Variants in NUTM2G observed in about 807,000 individuals in gnomAD.
The protein encoded by NUTM2G is NUT family member 2G, also known as family with sequence similarity 22, member G.
Under a neutral mutation model 44.3 loss-of-function variants are expected in NUTM2G, and 29 were observed. The observed-to-expected ratio is 0.66, with a 90% CI of 0.49 to 0.89. NUTM2G has a LOEUF of 0.89. NUTM2G is among the 40% of genes least tolerant of loss of function. NUTM2G has a pLI of 0.00. For missense variants in NUTM2G, 502 were observed against 946.5 expected (o/e 0.53, Z 6.16); for synonymous variants, 205 against 395.9 (o/e 0.52, Z 5.72).
chr9:96,934,302 T>C (rs1379102296), intron 2 of NUTM2G, among the ~76,000 whole-genome samples: 1 of 152,234 alleles, frequency 6.6e-6, no homozygotes, highest in African/African-American at 2.4e-5. Context: ...ATATCCACCG[T>C]GCAACACACT....
Position 96,937,180 on chromosome 9 carries a change from G to T in NUTM2G, c.1099G>T (p.Ala367Ser). Residue 367 changes from alanine (A) to serine (S), a missense_variant, in exon 5 of 7, where the codon GCA (alanine) becomes TCA (serine). Ala to Ser is a moderately conservative substitution (Grantham distance 99). Coordinates refer to ENST00000372322, the MANE Select transcript of NUTM2G (RefSeq NM_001170741.3). ...GCCACCACCCAGGCCCCCGAGGCCA[G>T]CAGAGACCAAGGTCCCTGAGGAGAT... Reference protein sequence around the residue: ...HLPPPRPPRPAETKVPEEIPP... With the variant: ...HLPPPRPPRPSETKVPEEIPP... 1 of 1,612,710 alleles carries T rather than the reference G, an allele frequency of 6.2e-7. No individual in the cohort carries two copies. Among genetic ancestry groups the T allele is most frequent in the Non-Finnish European group, 8.5e-7 (1 of 1,179,868 alleles).
intron 5 of NUTM2G, 65 bp from the exon 6 acceptor site, chr9:96,937,820 G>A (rs936303239): frequency 1.6e-5 from 26 of 1,596,414 alleles, no homozygotes; most frequent in Non-Finnish European, 2.0e-5. Flanking sequence ...CATCTCCTCC[G>A]GGTGTCCTTG....
chr9:96,934,640 G>A (rs1826371061), intron 2 of NUTM2G, among the ~76,000 whole-genome samples: 1 of 151,788 alleles, frequency 6.6e-6, no homozygotes, highest in Non-Finnish European at 1.5e-5. Context: ...TTGCTCCAGA[G>A]TCCCCAGGAA....
intron 2 of NUTM2G, among the ~76,000 whole-genome samples, chr9:96,933,054 T>C (rs533696394): frequency 6.7e-6 from 1 of 148,360 alleles, no homozygotes; most frequent in African/African-American, 2.5e-5. Context: ...CTCGGCTCAC[T>C]GCAAGCTCTA....
chr9:96,937,502 G>A (rs1220243074), intron 5 of NUTM2G, 98 bp downstream of exon 5: 8 of 1,070,064 alleles, frequency 7.5e-6, no homozygotes, highest in Admixed American at 4.9e-5. Flanking sequence ...TCAGTAGTAT[G>A]TGTATTTCCA....
chr9:96,937,340 C>G lies in NUTM2G; in HGVS notation c.1259C>G (p.Thr420Ser). ...VEQPQEEDGMTSDPGLLSYID... is the reference protein window; with the variant it reads ...VEQPQEEDGMSSDPGLLSYID... ...CAGCCGCAGGAAGAGGACGGGATGA[C>G]CTCAGACCCGGGCCTCCTGAGCTAC... is the stretch of plus-strand genomic sequence containing the variant. Residue 420 changes from threonine to serine, a missense_variant, in exon 5 of 7, where the codon ACC becomes AGC. Physicochemically the swap from Thr to Ser is moderately conservative, Grantham distance 58 (BLOSUM62 1). Coordinates refer to ENST00000372322, the MANE Select transcript of NUTM2G (RefSeq NM_001170741.3). The G allele has an allele frequency of 6.2e-7, 1 of 1,613,932 alleles. No individual in the cohort carries two copies. The highest frequency in any genetic ancestry group is 8.5e-7 in the Non-Finnish European group (1 of 1,179,868).
rs771666079 is a variant in NUTM2G, at chr9:96,935,319, G to T, written c.714-9G>T. 18 of 1,611,848 alleles carry T rather than the reference G, an allele frequency of 1.1e-5. No individual in the cohort carries two copies. The African/African-American group carries it at 1.6e-4, about 14-fold the overall frequency. ...CTTACAGACTGGGACTGACTGCACT[G>T]GTTTACAGCCCAGTTCTCCGATCCC... On this transcript the variant is annotated splice_polypyrimidine_tract_variant and intron_variant, in intron 2 of 6. Transcript: ENST00000372322.
chr9:96,941,067 T>G (rs1826580045), downstream of NUTM2G, among the ~76,000 whole-genome samples: 1 of 150,354 alleles, frequency 6.7e-6, no homozygotes, highest in African/African-American at 2.5e-5. Flanking sequence ...TTGCAGGGTT[T>G]AGGAATGTTA....
At chr9:96,936,315 G>C (rs1826426668) in intron 3 of NUTM2G, 110 bp from the exon 4 acceptor site, 4 of 1,530,448 alleles carry the variant, frequency 2.6e-6, no homozygotes, top group Admixed American at 3.9e-5. Flanking sequence ...TGAGGGCCTA[G>C]ACAGCCCGCC....
At chr9:96,931,310 G>C (rs1260004286) in intron 1 of NUTM2G, among the ~76,000 whole-genome samples, 1 of 151,402 alleles carries the variant, frequency 6.6e-6, no homozygotes, top group African/African-American at 2.4e-5. Flanking sequence ...GTTTCCTGTC[G>C]GCCTTCTGAA....
At chr9:96,930,882 T>G (rs1462368210) in intron 1 of NUTM2G, among the ~76,000 whole-genome samples, 67 of 65,594 alleles carry the variant, frequency 1.0e-3, no homozygotes, top group Non-Finnish European at 1.5e-3. Flanking sequence ...GTTTTTTTTT[T>G]TTTTTTTTTT....
intron 1 of NUTM2G, 36 bp downstream of exon 1, chr9:96,929,076 C>A (rs1167977105): frequency 6.2e-7 from 1 of 1,610,856 alleles, no homozygotes; most frequent in African/African-American, 1.4e-5. Flanking sequence ...TCCTAGTCTG[C>A]CTTGCCTCAA....
intron 4 of NUTM2G, 127 bp from the exon 5 acceptor site, chr9:96,936,937 G>A (rs921535646): frequency 7.1e-5 from 96 of 1,354,998 alleles, no homozygotes; most frequent in African/African-American, 5.5e-4. Context: ...CCTCCGGGGC[G>A]CTGTGGTTCA....
At chr9:96,930,744 T>G (rs1826212769) in intron 1 of NUTM2G, among the ~76,000 whole-genome samples, 1 of 150,298 alleles carries the variant, frequency 6.7e-6, no homozygotes, top group Admixed American at 6.6e-5. Context: ...ATGGGTGGCC[T>G]GAATCTGACC....
intron 2 of NUTM2G, among the ~76,000 whole-genome samples, chr9:96,934,701 G>A (rs1383117647): frequency 2.6e-5 from 4 of 151,114 alleles, no homozygotes; most frequent in Admixed American, 6.6e-5. Context: ...TTTAACCCTC[G>A]CTCCCAGGTC....
intron 3 of NUTM2G, among the ~76,000 whole-genome samples, chr9:96,935,831 G>A (rs942474693): frequency 2.0e-5 from 3 of 152,130 alleles, no homozygotes; most frequent in Admixed American, 6.5e-5. Flanking sequence ...GCCGGAAGTC[G>A]GTTTTCTCCC....
At chr9:96,935,794 G>A (rs962783808) in intron 3 of NUTM2G, among the ~76,000 whole-genome samples, 7 of 152,176 alleles carry the variant, frequency 4.6e-5, no homozygotes, top group Non-Finnish European at 5.9e-5. Context: ...TAAAGACAGA[G>A]TGGGGGGCAG....
At chr9:96,934,036 G>A (rs2769117) in intron 2 of NUTM2G, 3 of 152,136 alleles carry the variant, frequency 2.0e-5, no homozygotes, top group African/African-American at 7.2e-5. Flanking sequence ...ACAGCAATTA[G>A]GATTACTGTC....
downstream of NUTM2G, chr9:96,942,511 G>C (rs1320865789): frequency 1.1e-5 from 1 of 89,706 alleles, no homozygotes; most frequent in Non-Finnish European, 2.1e-5. Flanking sequence ...ACTGAATTCT[G>C]AGTTATGATG....
Sources: allele counts gnomAD v4.1 joint callset (sites outside exome capture counted in the v4.1 genomes callset), GRCh38; gene constraint gnomAD v4.1.1; transcripts MANE v1.5; gene names NCBI Gene and HGNC (gene_info 2026-07-23, HGNC 2026-07-21).